CNNM2: variants seen among roughly 807,000 people sequenced by gnomAD.
CNNM2 encodes metal transporter CNNM2.
CNNM2 carries 12 observed loss-of-function variants against 66.9 expected under a neutral mutation model. The ratio of observed to expected loss-of-function variants is 0.18; its 90% CI spans 0.11 to 0.29. The LOEUF (loss-of-function observed/expected upper bound fraction) is 0.29, where lower values mean the gene tolerates loss of function less well. Ranked by LOEUF, CNNM2 falls within the 10% of genes least tolerant of loss-of-function variation. The probability of loss-of-function intolerance (pLI) is 1.00; values close to 1 mark genes in which losing one functional copy is unlikely to be tolerated. For synonymous variants in CNNM2, 557 were observed against 501.8 expected (o/e 1.11, Z -1.47); for missense variants, 705 against 1,167.7 (o/e 0.60, Z 5.77).
chr10:103,029,870 A>G (rs1214404997), intron 1 of CNNM2, among the ~76,000 whole-genome samples: 1 of 134,144 alleles, frequency 7.5e-6, no homozygotes, highest in Non-Finnish European at 1.6e-5. Flanking sequence ...CGTCTCAAAA[A>G]AAAAAAAAAT....
rs1236068315 is a variant in CNNM2 at position 103,003,766 on chromosome 10, C to CT, written c.1622-45940dup. On this transcript the variant is annotated intron_variant, in intron 1 of 7. Transcript: ENST00000369878. ...CCAGCCTGGGCACCAGAGCGAGACT[C>CT]TATCTTTTTTTTAAAACACTATTCT... Among the ~76,000 whole-genome samples, 9 of 151,866 alleles carry CT rather than the reference C, an allele frequency of 5.9e-5. No homozygotes were observed. In the South Asian group the frequency reaches 1.0e-3, roughly 18 times the overall value.
rs528061101 is a variant in CNNM2 at position 102,970,281 on chromosome 10, C to T, written c.1621+50180C>T. ...CAGTAGCCATGATTGTGCCCCTGCA[C>T]TCCAGTCTGGGCAACAGCATGAAAT... On this transcript the variant is annotated intron_variant, in intron 1 of 7. Coordinates refer to ENST00000369878, the MANE Select transcript of CNNM2 (RefSeq NM_017649.5). 3.9e-5 allele frequency among the ~76,000 whole-genome samples: 6 copies of T among 152,336 alleles called. No individual in the cohort carries two copies. In the East Asian group the frequency reaches 1.2e-3, roughly 29 times the overall value.
rs930271020 is a variant in CNNM2, at chr10:103,079,843, C to T, written c.*2663C>T. 5 of 152,202 alleles carry T rather than the reference C, an allele frequency of 3.3e-5. No individual in the cohort carries two copies. Among genetic ancestry groups the T allele is most frequent in the Non-Finnish European group, 5.9e-5 (4 of 68,056 alleles). 9.4% of individuals were successfully genotyped at this position (152,202 alleles called of 1,614,324 possible). ...CCTTTGGGGAGAGCTTAGGACCCTTCAAACAACACTCATGTCTGAGCGGCC... is the reference window on the plus strand; with the variant it reads ...CCTTTGGGGAGAGCTTAGGACCCTTTAAACAACACTCATGTCTGAGCGGCC... On this transcript the variant is annotated 3_prime_UTR_variant, in exon 8 of 8. Transcript: ENST00000369878.
rs1326354367 is a variant in CNNM2, at chr10:103,088,293, T to C, written c.*11113T>C. On this transcript the variant is annotated 3_prime_UTR_variant, in exon 8 of 8. Transcript: ENST00000369878. ...TGTTTGTTTAAAATGTTGAAACAAC[T>C]TTCACTGTACTGGTGAAACAGTTTT... is the stretch of plus-strand genomic sequence containing the variant. 2 of 152,254 alleles carry C rather than the reference T, an allele frequency of 1.3e-5. No homozygotes were observed. Among genetic ancestry groups the C allele is most frequent in the East Asian group, 1.9e-4 (1 of 5,206 alleles). The allele number at this position is 152,254 out of a possible 1,614,324, so 9.4% of individuals were successfully genotyped here.
chr10:102,996,031 A>G (rs753110603), intron 1 of CNNM2, among the ~76,000 whole-genome samples: 6 of 152,172 alleles, frequency 3.9e-5, no homozygotes. Flanking sequence ...GAATTGGTCC[A>G]TTTTATCAAA....
chr10:103,063,514 C>T (rs571526332), intron 4 of CNNM2, among the ~76,000 whole-genome samples: 2 of 152,340 alleles, frequency 1.3e-5, no homozygotes, highest in East Asian at 1.9e-4. Flanking sequence ...GTTGTGCCCA[C>T]GCTGGCTAGG....
chr10:102,953,954 A>G (rs1376202303), intron 1 of CNNM2, among the ~76,000 whole-genome samples: 1 of 152,140 alleles, frequency 6.6e-6, no homozygotes, highest in East Asian at 1.9e-4. Flanking sequence ...TGAGTAAATT[A>G]TTAGTTCCAA....
intron 1 of CNNM2, among the ~76,000 whole-genome samples, chr10:102,959,530 C>T (rs918255916): frequency 3.3e-5 from 5 of 152,138 alleles, no homozygotes; most frequent in Non-Finnish European, 7.3e-5. Flanking sequence ...CTGCATAACA[C>T]CAGGAAAGTT....
At chr10:102,921,676 G>T (rs1845644189) in intron 1 of CNNM2, among the ~76,000 whole-genome samples, 1 of 152,092 alleles carries the variant, frequency 6.6e-6, no homozygotes, top group Non-Finnish European at 1.5e-5. Context: ...AGTAATATCT[G>T]TAATACAGAA....
At chr10:102,951,556 T>A (rs1415012571) in intron 1 of CNNM2, among the ~76,000 whole-genome samples, 1 of 152,144 alleles carries the variant, frequency 6.6e-6, no homozygotes, top group African/African-American at 2.4e-5. Context: ...TGCATGCTTT[T>A]AAGGATAACT....
chr10:102,999,275 G>C (rs1337677059), intron 1 of CNNM2, among the ~76,000 whole-genome samples: 1 of 149,206 alleles, frequency 6.7e-6, no homozygotes, highest in Non-Finnish European at 1.5e-5. Flanking sequence ...GTAGAGATGG[G>C]GTTTCACCAG....
intron 1 of CNNM2, among the ~76,000 whole-genome samples, chr10:103,040,068 G>C (rs2065011747): frequency 6.6e-6 from 1 of 152,094 alleles, no homozygotes; most frequent in Admixed American, 6.5e-5. Flanking sequence ...TTGGGAGGCT[G>C]AGGCAGGAGA....
chr10:103,015,896 C>T (rs1171186004), intron 1 of CNNM2, among the ~76,000 whole-genome samples: 2 of 151,932 alleles, frequency 1.3e-5, no homozygotes, highest in Non-Finnish European at 2.9e-5. Context: ...CAGAAAGGTG[C>T]CCCTCTAGGT....
Position 103,020,281 on chromosome 10 carries a change from G to A in CNNM2, c.1622-29426G>A, listed in dbSNP as rs11191517. ...AGCGATTCTCCTGCCTTAGTCTCCC[G>A]AGTAGCTGGGATTACAGACACCCAC... On this transcript the variant is annotated intron_variant, in intron 1 of 7. Transcript: ENST00000369878. 0.095 allele frequency among the ~76,000 whole-genome samples: 14,370 copies of A among 151,770 alleles called. 879 individuals carry two copies. Among genetic ancestry groups the A allele is most frequent in the East Asian group, 0.28 (1,421 of 5,158 alleles).
At chr10:103,071,970 T>A in intron 6 of CNNM2, 131 bp downstream of exon 6, 1 of 815,424 alleles carries the variant, frequency 1.2e-6, no homozygotes, top group Non-Finnish European at 2.1e-6. Context: ...GCTAAAGCTC[T>A]AAGGTTCCGT....
At chr10:103,069,396 C>T (rs760478535) in intron 5 of CNNM2, among the ~76,000 whole-genome samples, 7 of 152,322 alleles carry the variant, frequency 4.6e-5, no homozygotes, top group Admixed American at 2.6e-4. Context: ...TACCTGCTTA[C>T]TCCCAACCTG....
rs1427807156 is a variant in CNNM2 at position 103,000,238 on chromosome 10, AAAAC to A, written c.1622-49465_1622-49462del. Among the ~76,000 whole-genome samples the A allele has an allele frequency of 9.6e-4, 132 of 137,488 alleles. 1 individual carries two copies. Among genetic ancestry groups the A allele is most frequent in the African/African-American group, 3.3e-3 (116 of 35,230 alleles). The allele number at this position is 137,488 out of a possible 152,430, so 90.2% of individuals were successfully genotyped here. The stretch of plus-strand genomic sequence containing the variant: ...GTGACAAGAGCGAAACTCCGTCTCA[AAAAC>A]AAATAAATAAATAAATAAATAAATA... On this transcript the variant is annotated intron_variant, in intron 1 of 7. Coordinates refer to ENST00000369878, the MANE Select transcript of CNNM2 (RefSeq NM_017649.5).
intron 1 of CNNM2, among the ~76,000 whole-genome samples, chr10:102,946,021 G>A (rs1162932535): frequency 1.3e-5 from 2 of 152,070 alleles, no homozygotes; most frequent in African/African-American, 4.8e-5. Flanking sequence ...AGTTTTGACA[G>A]CTTCCATAAA....
intron 2 of CNNM2, among the ~76,000 whole-genome samples, chr10:103,052,690 T>A (rs1038433802): frequency 6.6e-6 from 1 of 151,956 alleles, no homozygotes; most frequent in Non-Finnish European, 1.5e-5. Flanking sequence ...ATTTTTGTAT[T>A]TTTAGTAGAG....
Sources: allele counts gnomAD v4.1 joint callset (sites outside exome capture counted in the v4.1 genomes callset), GRCh38; gene constraint gnomAD v4.1.1; transcripts MANE v1.5; gene names NCBI Gene and HGNC (gene_info 2026-07-23, HGNC 2026-07-21).